Variants in SDK1 observed in about 807,000 individuals in gnomAD.
SDK1 encodes sidekick cell adhesion molecule 1.
SDK1 carries 157 observed loss-of-function variants against 245.5 expected under a neutral mutation model. That is an observed-to-expected ratio of 0.64 (90% CI 0.56 to 0.73). The LOEUF is 0.73. SDK1 is among the 30% of genes least tolerant of loss of function. The pLI is 0.00. For missense variants in SDK1, 3,583 were observed against 3,002.3 expected (o/e 1.19, Z -4.52); for synonymous variants, 1,647 against 1,278.5 (o/e 1.29, Z -6.15).
At chr7:3,975,579 A>C (rs942176591) in intron 13 of SDK1, among the ~76,000 whole-genome samples, 2 of 152,228 alleles carry the variant, frequency 1.3e-5, no homozygotes, top group Non-Finnish European at 2.9e-5. Flanking sequence ...AATGCTTGCT[A>C]AGTGCTAAGC....
chr7:3,568,632 C>T (rs956693945), intron 1 of SDK1, among the ~76,000 whole-genome samples: 4 of 152,188 alleles, frequency 2.6e-5, no homozygotes, highest in Non-Finnish European at 4.4e-5. Context: ...AAATGGTTCT[C>T]ACCAGCCACC....
intron 1 of SDK1, among the ~76,000 whole-genome samples, chr7:3,512,430 G>C (rs1332234728): frequency 2.0e-5 from 3 of 152,194 alleles, no homozygotes; most frequent in Non-Finnish European, 2.9e-5. Context: ...AAACATCTGT[G>C]TGCAGGTTTT....
chr7:3,819,962 A>T (rs1447856600), intron 4 of SDK1, among the ~76,000 whole-genome samples: 1 of 152,174 alleles, frequency 6.6e-6, no homozygotes, highest in Non-Finnish European at 1.5e-5. Context: ...TCTGAATCTG[A>T]AAGTGCTGTA....
rs748230929 is a variant in SDK1 at position 3,525,545 on chromosome 7, G to A, written c.299-93535G>A. On this transcript the variant is annotated intron_variant, in intron 1 of 44. Transcript: ENST00000404826. The stretch of plus-strand genomic sequence containing the variant: ...ACCACCAACCTGGAAAGTGTTTTTG[G>A]TAGGTGCTGTGTGTACAACATCCTT... 3.9e-4 allele frequency among the ~76,000 whole-genome samples: 59 copies of A among 152,208 alleles called. 1 individual carries two copies. Among genetic ancestry groups the A allele is most frequent in the Admixed American group, 2.5e-3 (38 of 15,300 alleles).
At chr7:3,367,979 G>T (rs1781133062) in intron 1 of SDK1, among the ~76,000 whole-genome samples, 1 of 152,176 alleles carries the variant, frequency 6.6e-6, no homozygotes, top group African/African-American at 2.4e-5. Context: ...TCCCTGTAAG[G>T]ATGAACATTG....
At chr7:4,217,198 G>A (rs1207943944) in intron 38 of SDK1, among the ~76,000 whole-genome samples, 5 of 137,910 alleles carry the variant, frequency 3.6e-5, no homozygotes, top group East Asian at 2.2e-4. Flanking sequence ...CCTGCCACCC[G>A]GAGCACCAGG....
At position 3,335,741 on chromosome 7, in the gene SDK1, A is replaced by G. The variant is rs1304250666; in HGVS notation, c.298+33857A>G. The stretch of plus-strand genomic sequence containing the variant: ...AAATGAAATGAATAGTAATCCAACC[A>G]GACCAGTGGGAGTCAGGAAAGGAAA... On this transcript the variant is annotated intron_variant, in intron 1 of 44. Coordinates refer to ENST00000404826, the MANE Select transcript of SDK1 (RefSeq NM_152744.4). Among the ~76,000 whole-genome samples the G allele has an allele frequency of 4.6e-5, 7 of 150,932 alleles. No individual in the cohort carries two copies. In the East Asian group the frequency reaches 1.4e-3, roughly 29 times the overall value.
chr7:3,957,140 A>G (rs978476444), intron 7 of SDK1, among the ~76,000 whole-genome samples: 1 of 152,154 alleles, frequency 6.6e-6, no homozygotes, highest in Non-Finnish European at 1.5e-5. Flanking sequence ...ACCTACAGAA[A>G]CAGAGAACGG....
At chr7:3,631,212 A>C (rs1782278277) in intron 2 of SDK1, among the ~76,000 whole-genome samples, 1 of 152,112 alleles carries the variant, frequency 6.6e-6, no homozygotes, top group African/African-American at 2.4e-5. Context: ...GGGATTACAG[A>C]TGTGAGCCAC....
At chr7:3,982,850 A>G (rs1407132117) in intron 13 of SDK1, among the ~76,000 whole-genome samples, 1 of 152,160 alleles carries the variant, frequency 6.6e-6, no homozygotes, top group Non-Finnish European at 1.5e-5. Context: ...AAAAAAAAAA[A>G]AAAGAATGTT....
chr7:3,488,510 A>G (rs533093812), intron 1 of SDK1, among the ~76,000 whole-genome samples: 1 of 152,190 alleles, frequency 6.6e-6, no homozygotes, highest in South Asian at 2.1e-4. Flanking sequence ...CTTATAATTA[A>G]TCTTCTTTTG....
chr7:3,464,828 C>G (rs951159133), intron 1 of SDK1, among the ~76,000 whole-genome samples: 1 of 151,714 alleles, frequency 6.6e-6, no homozygotes, highest in Admixed American at 6.6e-5. Flanking sequence ...AAAATTTGGA[C>G]AAATTTTTAA....
At chr7:3,841,909 C>G (rs571122774) in intron 5 of SDK1, among the ~76,000 whole-genome samples, 2 of 152,092 alleles carry the variant, frequency 1.3e-5, no homozygotes, top group East Asian at 1.9e-4. Context: ...CAAGACCGAC[C>G]CATTGGGTGG....
chr7:3,905,597 G>C (rs1030764274), intron 5 of SDK1, among the ~76,000 whole-genome samples: 1 of 151,584 alleles, frequency 6.6e-6, no homozygotes, highest in Non-Finnish European at 1.5e-5. Context: ...TATGTTTCTT[G>C]TTTCTTTAGA....
intron 7 of SDK1, among the ~76,000 whole-genome samples, chr7:3,953,744 T>C (rs1781015823): frequency 6.6e-6 from 1 of 152,276 alleles, no homozygotes; most frequent in African/African-American, 2.4e-5. Context: ...ATCTGATTAG[T>C]TTTGTGTTCT....
At chr7:3,516,156 C>A (rs1583984625) in intron 1 of SDK1, among the ~76,000 whole-genome samples, 1 of 148,180 alleles carries the variant, frequency 6.7e-6, no homozygotes. Flanking sequence ...TATACATTTG[C>A]ATGTATATAA....
At chr7:4,155,217 C>T (rs1366571928) in intron 30 of SDK1, among the ~76,000 whole-genome samples, 1 of 152,080 alleles carries the variant, frequency 6.6e-6, no homozygotes, top group Non-Finnish European at 1.5e-5. Context: ...TGGCTTCCAC[C>T]GAGAGGGTTA....
chr7:3,771,661 C>T (rs1383089415), intron 4 of SDK1, among the ~76,000 whole-genome samples: 1 of 151,998 alleles, frequency 6.6e-6, no homozygotes, highest in Admixed American at 6.6e-5. Context: ...TATTTTTTTC[C>T]AGATTATTTC....
chr7:3,389,785 G>A (rs1562457527), intron 1 of SDK1, among the ~76,000 whole-genome samples: 1 of 152,028 alleles, frequency 6.6e-6, no homozygotes. Flanking sequence ...CGTGGAAGTT[G>A]GTACCTGGAG....
Sources: gnomAD v4.1 joint callset for allele counts (sites outside exome capture counted in the v4.1 genomes callset) on GRCh38, gnomAD v4.1.1 for gene constraint, MANE v1.5 for transcripts, NCBI Gene and HGNC (gene_info 2026-07-23, HGNC 2026-07-21) for gene names.